The following KCNS3 variants were observed in gnomAD, a reference collection of about 807,000 sequenced individuals.
KCNS3 encodes delayed-rectifier potassium channel regulatory subunit KCNS3.
A neutral mutation model predicts 31.0 loss-of-function variants in KCNS3; 13 were observed. The observed-to-expected ratio is 0.42, with a 90% CI of 0.27 to 0.67. The LOEUF (loss-of-function observed/expected upper bound fraction) is 0.67. KCNS3 is among the 30% of genes least tolerant of loss of function. The probability of loss-of-function intolerance (pLI) is 0.25; values close to 1 mark genes in which losing one functional copy is unlikely to be tolerated. For synonymous variants in KCNS3, 238 were observed against 241.5 expected (o/e 0.99, Z 0.13); for missense variants, 545 against 622.4 (o/e 0.88, Z 1.32).
At chr2:17,917,465 C>T (rs1224767977) in intron 1 of KCNS3, among the ~76,000 whole-genome samples, 1 of 152,078 alleles carries the variant, frequency 6.6e-6, no homozygotes, top group Non-Finnish European at 1.5e-5. Flanking sequence ...ACTTTCACTA[C>T]TGTTGAGTTC....
intron 2 of KCNS3, among the ~76,000 whole-genome samples, chr2:17,928,844 CT>C (rs1319425291): frequency 1.3e-4 from 19 of 151,234 alleles, no homozygotes; most frequent in Admixed American, 4.0e-4. Context: ...TTCCTTGTCC[CT>C]TTTTTTTTCC....
intron 1 of KCNS3, among the ~76,000 whole-genome samples, chr2:17,893,510 C>T (rs956421919): frequency 1.3e-5 from 2 of 152,206 alleles, no homozygotes; most frequent in Non-Finnish European, 2.9e-5. Flanking sequence ...AATTTTACCC[C>T]CTGCATCTCT....
At chr2:17,883,338 G>T (rs1238181541) in intron 1 of KCNS3, among the ~76,000 whole-genome samples, 1 of 131,464 alleles carries the variant, frequency 7.6e-6, no homozygotes, top group Non-Finnish European at 1.6e-5. Context: ...GTACTTACAT[G>T]ATGTTATGTA....
chr2:17,878,748 C>A lies in KCNS3; in HGVS notation c.-310C>A, dbSNP rs1674569283. 1 of 151,760 alleles carries A rather than the reference C, an allele frequency of 6.6e-6. No homozygotes were observed. The highest frequency in any genetic ancestry group is 1.5e-5 in the Non-Finnish European group (1 of 67,902). The allele number at this position is 151,760 out of a possible 1,614,324, so 9.4% of individuals were successfully genotyped here. A position where few individuals can be genotyped will look rare whatever the true frequency, so the allele number is the denominator to read the frequency against. On this transcript the variant is annotated 5_prime_UTR_variant, in exon 1 of 3. Coordinates refer to ENST00000304101, the MANE Select transcript of KCNS3 (RefSeq NM_002252.5). Reference sequence around the variant, plus strand: ...GCCGCGCCGCGAGGCCTGATCCCTGCAGCGCGGGCAGGCGGCGTCGCAGAG... The same window carrying A: ...GCCGCGCCGCGAGGCCTGATCCCTGAAGCGCGGGCAGGCGGCGTCGCAGAG...
At chr2:17,884,713 C>T (rs917402493) in intron 1 of KCNS3, among the ~76,000 whole-genome samples, 1 of 152,086 alleles carries the variant, frequency 6.6e-6, no homozygotes, top group Non-Finnish European at 1.5e-5. Context: ...GATGTGAGTC[C>T]AGCTCGTTGG....
intron 2 of KCNS3, among the ~76,000 whole-genome samples, chr2:17,930,077 A>G (rs887906244): frequency 1.9e-4 from 29 of 152,206 alleles, no homozygotes; most frequent in African/African-American, 7.0e-4. Context: ...TATCCTGATT[A>G]GTGTCAGAAC....
chr2:17,893,940 GTTTTTTTTTTT>G (rs5829612), intron 1 of KCNS3, among the ~76,000 whole-genome samples: 7 of 98,904 alleles, frequency 7.1e-5, no homozygotes, highest in East Asian at 4.7e-4. Context: ...CCAGGAGCCA[GTTTTTTTTTTT>G]TTTTTTTTTT....
At chr2:17,926,464 G>A (rs1662839261) in intron 2 of KCNS3, among the ~76,000 whole-genome samples, 1 of 152,192 alleles carries the variant, frequency 6.6e-6, no homozygotes, top group Non-Finnish European at 1.5e-5. Flanking sequence ...TCTCCATGAG[G>A]GCTCTGCCCC....
intron 2 of KCNS3, among the ~76,000 whole-genome samples, chr2:17,921,915 GTATATATATATATA>G (rs56064218): frequency 1.5e-3 from 49 of 32,810 alleles, no homozygotes; most frequent in Admixed American, 2.2e-3. Context: ...GTGTGTGTGT[GTATATATATATATA>G]TATATATATA....
At chr2:17,892,867 C>G (rs1661892778) in intron 1 of KCNS3, among the ~76,000 whole-genome samples, 1 of 152,158 alleles carries the variant, frequency 6.6e-6, no homozygotes, top group South Asian at 2.1e-4. Flanking sequence ...CCATGAGGAT[C>G]CTTAGCTTTG....
At chr2:17,903,872 G>A (rs1662247953) in intron 1 of KCNS3, among the ~76,000 whole-genome samples, 1 of 152,172 alleles carries the variant, frequency 6.6e-6, no homozygotes, top group Non-Finnish European at 1.5e-5. Context: ...GGACATTTGG[G>A]TTGGTTCCAA....
intron 1 of KCNS3, among the ~76,000 whole-genome samples, chr2:17,896,990 C>G (rs1662044215): frequency 6.6e-6 from 1 of 151,934 alleles, no homozygotes; most frequent in Non-Finnish European, 1.5e-5. Flanking sequence ...GACCAGTTAC[C>G]CAGGTAGTGA....
intron 1 of KCNS3, among the ~76,000 whole-genome samples, chr2:17,903,597 T>C (rs1272667470): frequency 3.9e-5 from 6 of 152,108 alleles, no homozygotes; most frequent in African/African-American, 1.4e-4. Flanking sequence ...CCTAATGCTT[T>C]CCTTCCCCCT....
intron 1 of KCNS3, among the ~76,000 whole-genome samples, chr2:17,904,660 T>G (rs1419279630): frequency 6.6e-6 from 1 of 152,146 alleles, no homozygotes; most frequent in Non-Finnish European, 1.5e-5. Context: ...AGGGATCCAG[T>G]TCCAGCTTTC....
intron 1 of KCNS3, among the ~76,000 whole-genome samples, chr2:17,899,976 C>G (rs149156676): frequency 1.3e-3 from 195 of 152,186 alleles, no homozygotes; most frequent in Non-Finnish European, 2.1e-3. Context: ...ACAACCACCC[C>G]CTACAGAAGC....
intron 2 of KCNS3, among the ~76,000 whole-genome samples, chr2:17,926,633 G>A (rs1662844429): frequency 6.6e-6 from 1 of 152,252 alleles, no homozygotes; most frequent in African/African-American, 2.4e-5. Flanking sequence ...CATGGCCCAA[G>A]CTGTACCATG....
intron 1 of KCNS3, among the ~76,000 whole-genome samples, chr2:17,899,681 A>C (rs1273918057): frequency 6.6e-6 from 1 of 152,234 alleles, no homozygotes; most frequent in African/African-American, 2.4e-5. Context: ...AAAATGCTTC[A>C]AATAGTGCCT....
At chr2:17,878,467 G>C (rs1271727170), upstream of KCNS3, among the ~76,000 whole-genome samples, 1 of 151,866 alleles carries the variant, frequency 6.6e-6, no homozygotes, top group Non-Finnish European at 1.5e-5. Context: ...CTGTCCGCCT[G>C]TCTGGCGGTC....
rs764674039 is a variant in KCNS3, at chr2:17,931,647, G to A, written c.639G>A (p.Glu213=). The part of the protein sequence containing the change: ...CVHSMSEFQN[E]DGEVDDPVLE... ...ACAGCATGTCGGAGTTCCAGAATGA[G>A]GATGGAGAAGTGGATGATCCGGTGC... Residue 213 remains glutamate, a synonymous_variant, in exon 3 of 3, where the codon GAG becomes GAA. Coordinates refer to ENST00000304101, the MANE Select transcript of KCNS3 (RefSeq NM_002252.5). The surrounding 1 kb of genome is among the most constrained non-coding windows in gnomAD (Gnocchi z 5.4). 5.0e-6 allele frequency: 8 copies of A among 1,614,116 alleles called. No individual in the cohort carries two copies. The highest frequency in any genetic ancestry group is 6.8e-6 in the Non-Finnish European group (8 of 1,180,052).
Sources: allele counts gnomAD v4.1 joint callset (sites outside exome capture counted in the v4.1 genomes callset), GRCh38; gene constraint gnomAD v4.1.1; non-coding constraint Gnocchi (gnomAD v3.1); transcripts MANE v1.5; gene names NCBI Gene and HGNC (gene_info 2026-07-23, HGNC 2026-07-21).